The following TSNARE1 variants were observed in gnomAD, a reference collection of about 807,000 sequenced individuals.
TSNARE1 encodes t-SNARE domain-containing protein 1.
A neutral mutation model predicts 62.0 loss-of-function variants in TSNARE1; 49 were observed. The observed-to-expected ratio is 0.79, with a 90% CI of 0.63 to 1.00. The LOEUF is 1.00. Among genes scored for constraint, TSNARE1 ranks in the 50% least tolerant of loss-of-function variants. The pLI is 0.00. For synonymous variants in TSNARE1, 328 were observed against 294.4 expected (o/e 1.11, Z -1.17); for missense variants, 755 against 700.1 (o/e 1.08, Z -0.88).
At chr8:142,369,924 TC>T (rs1467253361) in intron 1 of TSNARE1, among the ~76,000 whole-genome samples, 1 of 152,184 alleles carries the variant, frequency 6.6e-6, no homozygotes, top group Admixed American at 6.5e-5. Flanking sequence ...AGGCATTCAC[TC>T]TAGACTGAAT....
At chr8:142,222,029 TCACTCATC>T (rs1206297579) in intron 13 of TSNARE1, among the ~76,000 whole-genome samples, 3 of 149,396 alleles carry the variant, frequency 2.0e-5, no homozygotes, top group Non-Finnish European at 3.0e-5. Context: ...ACTCATCCAC[TCACTCATC>T]CACTCATCCA....
At chr8:142,390,033 T>C (rs1321894050) in intron 1 of TSNARE1, among the ~76,000 whole-genome samples, 1 of 152,060 alleles carries the variant, frequency 6.6e-6, no homozygotes, top group Non-Finnish European at 1.5e-5. Context: ...TGTAACAGAG[T>C]GGTAAGAATC....
At chr8:142,362,711 C>T (rs1835255204) in intron 1 of TSNARE1, among the ~76,000 whole-genome samples, 1 of 152,174 alleles carries the variant, frequency 6.6e-6, no homozygotes, top group African/African-American at 2.4e-5. Flanking sequence ...GACTGGATTT[C>T]AATGAGTTTT....
intron 12 of TSNARE1, among the ~76,000 whole-genome samples, chr8:142,266,565 G>T (rs1819144400): frequency 1.3e-5 from 2 of 152,172 alleles, no homozygotes; most frequent in South Asian, 4.1e-4. Context: ...GGCTTCCTCT[G>T]CTGCCAATGT....
intron 13 of TSNARE1, among the ~76,000 whole-genome samples, chr8:142,213,536 G>C (rs1200526618): frequency 6.6e-6 from 1 of 152,178 alleles, no homozygotes; most frequent in African/African-American, 2.4e-5. Flanking sequence ...ACAAACGCCA[G>C]TTGCCTGGCC....
chr8:142,397,060 C>T (rs1837945336), intron 1 of TSNARE1, among the ~76,000 whole-genome samples: 1 of 137,766 alleles, frequency 7.3e-6, no homozygotes, highest in Non-Finnish European at 1.6e-5. Context: ...CGAGGCAGCC[C>T]GAGGGTCTCA....
At chr8:142,277,379 A>G (rs1820673755) in intron 11 of TSNARE1, 1 of 985,048 alleles carries the variant, frequency 1.0e-6, no homozygotes, top group Admixed American at 6.2e-5. Flanking sequence ...GGGCACAGGG[A>G]CCCCTGTGGG....
At chr8:142,219,198 C>G (rs1362440015) in intron 13 of TSNARE1, among the ~76,000 whole-genome samples, 1 of 152,176 alleles carries the variant, frequency 6.6e-6, no homozygotes, top group East Asian at 1.9e-4. Context: ...ACCCTGAAGG[C>G]AGCACCCCCA....
intron 10 of TSNARE1, among the ~76,000 whole-genome samples, chr8:142,285,655 G>A (rs1379514870): frequency 6.6e-6 from 1 of 152,146 alleles, no homozygotes; most frequent in Non-Finnish European, 1.5e-5. Flanking sequence ...TAAGTGGATG[G>A]TTGCTCCACT....
chr8:142,381,089 C>G (rs1029875885), intron 1 of TSNARE1, among the ~76,000 whole-genome samples: 2 of 152,256 alleles, frequency 1.3e-5, no homozygotes, highest in Admixed American at 6.5e-5. Flanking sequence ...CCAATCAGGG[C>G]CGTCAGGGCC....
intron 12 of TSNARE1, among the ~76,000 whole-genome samples, chr8:142,256,326 CAT>C (rs1818555653): frequency 6.8e-6 from 1 of 148,064 alleles, no homozygotes; most frequent in Non-Finnish European, 1.5e-5. Flanking sequence ...CCACCATCAC[CAT>C]CTTTGCCACC....
chr8:142,399,387 G>C (rs913745171), intron 1 of TSNARE1, among the ~76,000 whole-genome samples: 1 of 152,224 alleles, frequency 6.6e-6, no homozygotes, highest in African/African-American at 2.4e-5. Context: ...GAGACGCACA[G>C]CTCCCCGCGG....
At chr8:142,290,211 A>C (rs1213902489) in intron 10 of TSNARE1, among the ~76,000 whole-genome samples, 1 of 152,014 alleles carries the variant, frequency 6.6e-6, no homozygotes, top group Non-Finnish European at 1.5e-5. Flanking sequence ...CAGGCCTGAG[A>C]AGGGTGGGGC....
chr8:142,390,240 T>C (rs913134564), intron 1 of TSNARE1, among the ~76,000 whole-genome samples: 62 of 151,258 alleles, frequency 4.1e-4, no homozygotes, highest in African/African-American at 1.4e-3. Context: ...TGGGGGACTT[T>C]ATAACAGACG....
At chr8:142,223,403 C>T (rs1042605025) in intron 13 of TSNARE1, among the ~76,000 whole-genome samples, 9 of 151,996 alleles carry the variant, frequency 5.9e-5, no homozygotes, top group Non-Finnish European at 1.2e-4. Context: ...CTCATTCACT[C>T]GTTCACTCAC....
intron 13 of TSNARE1, among the ~76,000 whole-genome samples, chr8:142,220,500 T>A (rs965555355): frequency 1.3e-5 from 2 of 151,992 alleles, no homozygotes; most frequent in Non-Finnish European, 2.9e-5. Flanking sequence ...GGGGAGCCTC[T>A]CACACCCTGA....
At chr8:142,338,580 G>A (rs537697833) in intron 4 of TSNARE1, among the ~76,000 whole-genome samples, 22 of 151,762 alleles carry the variant, frequency 1.4e-4, no homozygotes, top group African/African-American at 5.3e-4. Flanking sequence ...CGACCACTGG[G>A]CAAGCTGACA....
intron 1 of TSNARE1, among the ~76,000 whole-genome samples, chr8:142,379,048 A>G (rs1461205739): frequency 2.0e-5 from 3 of 152,188 alleles, no homozygotes; most frequent in Admixed American, 1.3e-4. Flanking sequence ...GGACTAGGCT[A>G]GCAGCATCCC....
intron 1 of TSNARE1, among the ~76,000 whole-genome samples, chr8:142,377,839 A>G (rs762367613): frequency 1.8e-4 from 27 of 152,256 alleles, no homozygotes; most frequent in Non-Finnish European, 3.4e-4. Context: ...GAAACGTCCT[A>G]AAGACTCAGT....
Sources: allele counts gnomAD v4.1 joint callset (sites outside exome capture counted in the v4.1 genomes callset), GRCh38; gene constraint gnomAD v4.1.1; transcripts MANE v1.5; gene names NCBI Gene and HGNC (gene_info 2026-07-23, HGNC 2026-07-21).